The following GPC5 variants were observed in gnomAD, a reference collection of about 807,000 sequenced individuals.
GPC5 encodes the protein glypican-5.
GPC5 carries 47 observed loss-of-function variants against 53.9 expected under a neutral mutation model. That is an observed-to-expected ratio of 0.87 (90% CI 0.69 to 1.11). The LOEUF is 1.11. GPC5 is among the 50% of genes most tolerant of loss of function. The pLI is 0.00. For synonymous variants in GPC5, 286 were observed against 263.3 expected, an observed-to-expected ratio of 1.09 and a Z score of -0.84; for missense variants, 748 against 713.1, an observed-to-expected ratio of 1.05 and a Z score of -0.56.
intron 5 of GPC5, among the ~76,000 whole-genome samples, chr13:91,814,850 T>G (rs1280404083): frequency 2.6e-5 from 4 of 152,186 alleles, no homozygotes; most frequent in Admixed American, 6.5e-5. Context: ...CACAGCTTTA[T>G]TTTTTAATTG....
chr13:91,450,370 A>G (rs1881098780), intron 2 of GPC5, among the ~76,000 whole-genome samples: 2 of 152,184 alleles, frequency 1.3e-5, no homozygotes, highest in African/African-American at 4.8e-5. Flanking sequence ...ACAATATGAA[A>G]TATACATTTT....
chr13:92,866,227 C>T (rs1373103124), intron 7 of GPC5, 55 bp from the exon 8 acceptor site: 18 of 1,497,520 alleles, frequency 1.2e-5, no homozygotes, highest in Admixed American at 3.8e-5. Flanking sequence ...TTGTTCTAGA[C>T]GTATTATGGT....
At chr13:92,646,930 A>ATGTGTGTGTGTG (rs753380099) in intron 7 of GPC5, among the ~76,000 whole-genome samples, 2,041 of 146,428 alleles carry the variant, frequency 0.014, 19 homozygotes, top group Non-Finnish European at 0.023. Flanking sequence ...ATATATAAAC[A>ATGTGTGTGTGTG]TGTGTGTGTG....
At chr13:91,440,425 A>G (rs942001199) in intron 1 of GPC5, among the ~76,000 whole-genome samples, 1 of 152,206 alleles carries the variant, frequency 6.6e-6, no homozygotes, top group Non-Finnish European at 1.5e-5. Context: ...TATTTCATAT[A>G]TAATATTTTT....
At chr13:92,570,233 CG>C (rs1205075809) in intron 7 of GPC5, among the ~76,000 whole-genome samples, 6 of 152,118 alleles carry the variant, frequency 3.9e-5, no homozygotes, top group Admixed American at 3.9e-4. Flanking sequence ...GAGTTAATAT[CG>C]GTGTATTTTC....
chr13:91,905,586 A>G (rs1260195968), intron 5 of GPC5, among the ~76,000 whole-genome samples: 1 of 152,118 alleles, frequency 6.6e-6, no homozygotes, highest in Admixed American at 6.6e-5. Context: ...CCTAGTTAGG[A>G]AATGTTTGAT....
chr13:92,109,042 T>C (rs187168087), intron 6 of GPC5, among the ~76,000 whole-genome samples: 1 of 151,348 alleles, frequency 6.6e-6, no homozygotes, highest in Non-Finnish European at 1.5e-5. Context: ...GCGCCTTCTA[T>C]GTATGTATCA....
intron 2 of GPC5, among the ~76,000 whole-genome samples, chr13:91,524,729 G>A (rs542888697): frequency 6.6e-6 from 1 of 152,190 alleles, no homozygotes; most frequent in Non-Finnish European, 1.5e-5. Flanking sequence ...GGAGCTGAGG[G>A]CCACTCTCAG....
At chr13:92,814,293 A>G (rs943296177) in intron 7 of GPC5, among the ~76,000 whole-genome samples, 2 of 151,956 alleles carry the variant, frequency 1.3e-5, no homozygotes, top group Admixed American at 6.5e-5. Context: ...AATCTTTGTG[A>G]CCTTGGGTTA....
chr13:92,310,837 A>G (rs2043140696), intron 7 of GPC5, among the ~76,000 whole-genome samples: 1 of 152,172 alleles, frequency 6.6e-6, no homozygotes, highest in Admixed American at 6.6e-5. Context: ...TAGGGTAAAA[A>G]TATTGAATGG....
chr13:91,591,874 T>A (rs566383019), intron 2 of GPC5, among the ~76,000 whole-genome samples: 1 of 152,364 alleles, frequency 6.6e-6, no homozygotes, highest in African/African-American at 2.4e-5. Flanking sequence ...TGATTGGGTT[T>A]CAACTTTCTC....
intron 7 of GPC5, among the ~76,000 whole-genome samples, chr13:92,859,599 A>T (rs1052855858): frequency 6.6e-6 from 1 of 152,080 alleles, no homozygotes; most frequent in African/African-American, 2.4e-5. Flanking sequence ...ATTCCAAATT[A>T]CCTGTAAATT....
Position 91,693,876 on chromosome 13 carries a change from G to A in GPC5, c.1015G>A (p.Glu339Lys). The change falls in exon 3 of 8, where the codon GAA (glutamate) becomes AAA (lysine). Residue 339 changes from glutamate to lysine, a missense_variant. Coordinates refer to ENST00000377067, the MANE Select transcript of GPC5 (RefSeq NM_004466.6). ...TCACCTCAATGGACAAAAATTATTG[G>A]AACAGGTAAGTAGGAGCTCCACATT... The part of the protein sequence containing the change: ...QAHLNGQKLL[E>K]QVNRICGRPV... The A allele has an allele frequency of 6.3e-7, 1 of 1,587,604 alleles. No individual in the cohort carries two copies. The highest frequency in any genetic ancestry group is 8.6e-7 in the Non-Finnish European group (1 of 1,166,996).
chr13:91,775,334 A>G (rs2037692639), intron 5 of GPC5, among the ~76,000 whole-genome samples: 1 of 152,072 alleles, frequency 6.6e-6, no homozygotes. Flanking sequence ...TCTCCATTTT[A>G]CCACCATTTC....
At chr13:91,856,208 T>TA (rs899725715) in intron 5 of GPC5, among the ~76,000 whole-genome samples, 3 of 151,506 alleles carry the variant, frequency 2.0e-5, no homozygotes, top group Non-Finnish European at 3.0e-5. Context: ...TATACACATT[T>TA]AAAAAAACAT....
At chr13:91,949,000 T>C (rs1480151328) in intron 6 of GPC5, among the ~76,000 whole-genome samples, 1 of 152,204 alleles carries the variant, frequency 6.6e-6, no homozygotes, top group Non-Finnish European at 1.5e-5. Context: ...CACCAGATGG[T>C]ACTTAGCTCC....
chr13:92,613,703 T>C (rs891921654), intron 7 of GPC5, among the ~76,000 whole-genome samples: 2 of 139,766 alleles, frequency 1.4e-5, no homozygotes, highest in African/African-American at 5.3e-5. Flanking sequence ...ATATTATATA[T>C]ATATAAAATC....
chr13:92,674,052 G>C (rs1334682190), intron 7 of GPC5, among the ~76,000 whole-genome samples: 3 of 152,146 alleles, frequency 2.0e-5, no homozygotes, highest in Admixed American at 2.0e-4. Context: ...CCCCACTAAA[G>C]CAAATGGCAA....
intron 7 of GPC5, among the ~76,000 whole-genome samples, chr13:92,760,482 T>G (rs528856537): frequency 1.3e-5 from 2 of 152,202 alleles, no homozygotes; most frequent in South Asian, 4.1e-4. Flanking sequence ...TAATAGTCTC[T>G]TATGATCCTT....
Sources: gnomAD v4.1 joint callset for allele counts (sites outside exome capture counted in the v4.1 genomes callset) on GRCh38, gnomAD v4.1.1 for gene constraint, MANE v1.5 for transcripts, NCBI Gene and HGNC (gene_info 2026-07-23, HGNC 2026-07-21) for gene names.